The following SLF2 variants were observed in gnomAD, a reference collection of about 807,000 sequenced individuals.
SLF2 encodes the protein SMC5-SMC6 complex localization factor protein 2.
A neutral mutation model predicts 124.3 loss-of-function variants in SLF2; 68 were observed. The observed-to-expected ratio is 0.55, with a 90% CI of 0.45 to 0.67. The LOEUF is 0.67. SLF2 is among the 30% of genes least tolerant of loss of function. The probability of loss-of-function intolerance (pLI) is 0.00; values close to 1 mark genes in which losing one functional copy is unlikely to be tolerated. For missense variants in SLF2, 1,246 were observed against 1,373.7 expected (o/e 0.91, Z 1.47); for synonymous variants, 480 against 478.8 (o/e 1.00, Z -0.03).
chr10:100,942,631 G>A (rs915301566), intron 11 of SLF2, among the ~76,000 whole-genome samples: 14 of 152,112 alleles, frequency 9.2e-5, no homozygotes, highest in African/African-American at 2.7e-4. Context: ...TGATTCTCCT[G>A]CCTCAGCCTC....
intron 17 of SLF2, among the ~76,000 whole-genome samples, chr10:100,956,179 C>T (rs1850326260): frequency 6.6e-6 from 1 of 151,704 alleles, no homozygotes; most frequent in South Asian, 2.1e-4. Flanking sequence ...ACTATATTAC[C>T]CAGTTAGAGC....
At chr10:100,960,898 G>A (rs1250226971) in intron 19 of SLF2, among the ~76,000 whole-genome samples, 3 of 149,196 alleles carry the variant, frequency 2.0e-5, no homozygotes, top group African/African-American at 4.9e-5. Flanking sequence ...CTAAAATGAC[G>A]CTTCTCAAAT....
chr10:100,948,779 G>A (rs760426583), intron 15 of SLF2, among the ~76,000 whole-genome samples: 15 of 152,136 alleles, frequency 9.9e-5, no homozygotes, highest in Admixed American at 3.9e-4. Flanking sequence ...CCAGCTACTC[G>A]GGAGGCTGAG....
chr10:100,944,521 A>C (rs1262945937), intron 12 of SLF2, among the ~76,000 whole-genome samples: 1 of 148,070 alleles, frequency 6.8e-6, no homozygotes, highest in Non-Finnish European at 1.5e-5. Context: ...AAAACTCTCT[A>C]GTTTCTTACC....
intron 4 of SLF2, among the ~76,000 whole-genome samples, chr10:100,921,500 C>T (rs895049578): frequency 6.6e-6 from 1 of 152,112 alleles, no homozygotes; most frequent in South Asian, 2.1e-4. Flanking sequence ...ACAAAGGATA[C>T]AAAAAGAATT....
intron 1 of SLF2, 194 bp downstream of exon 1, chr10:100,913,444 G>A: frequency 1.4e-5 from 18 of 1,324,560 alleles, no homozygotes; most frequent in Non-Finnish European, 1.6e-5. Flanking sequence ...CTGTAGTTGG[G>A]CAGCTGCTCT....
intron 4 of SLF2, among the ~76,000 whole-genome samples, chr10:100,920,676 G>A (rs972975435): frequency 3.9e-5 from 6 of 152,192 alleles, no homozygotes; most frequent in Admixed American, 1.3e-4. Flanking sequence ...TAAGCCAGGC[G>A]CAGTGGTTCA....
intron 17 of SLF2, among the ~76,000 whole-genome samples, chr10:100,954,281 T>C (rs1487586791): frequency 6.6e-6 from 1 of 152,012 alleles, no homozygotes; most frequent in Admixed American, 6.6e-5. Context: ...AAAAATCAAA[T>C]ATTTGTACTT....
Position 100,961,941 on chromosome 10 carries a change from CAAGAGAAATTCAAT to C in SLF2, c.*35_*48del, listed in dbSNP as rs1195110768. ...GAGTTGCAGCAGCAAAAATATGAACCAAGAGAAATTCAATAAGAGCCTTTCATAGAGGAGTAGAA... is the reference window on the plus strand; with the variant it reads ...GAGTTGCAGCAGCAAAAATATGAACCAAGAGCCTTTCATAGAGGAGTAGAA... On this transcript the variant is annotated 3_prime_UTR_variant, in exon 20 of 20. Transcript: ENST00000238961. The C allele has an allele frequency of 2.5e-6, 4 of 1,590,518 alleles. No homozygotes were observed. In the East Asian group the frequency reaches 9.0e-5, roughly 36 times the overall value.
At chr10:100,932,136 A>G (rs1472811918) in intron 9 of SLF2, among the ~76,000 whole-genome samples, 1 of 152,202 alleles carries the variant, frequency 6.6e-6, no homozygotes, top group Non-Finnish European at 1.5e-5. Flanking sequence ...ATGAATGACA[A>G]GTTATTCTTC....
intron 9 of SLF2, among the ~76,000 whole-genome samples, chr10:100,932,737 G>GCGCA (rs1308729574): frequency 1.2e-4 from 18 of 151,234 alleles, no homozygotes; most frequent in Non-Finnish European, 2.4e-4. Context: ...GCGCGCGCGC[G>GCGCA]CACATTTGTA....
chr10:100,938,751 C>G lies in SLF2; in HGVS notation c.2654+15C>G, dbSNP rs750420943. 5 of 1,580,884 alleles carry G rather than the reference C, an allele frequency of 3.2e-6. No homozygotes were observed. Among genetic ancestry groups the G allele is most frequent in the Non-Finnish European group, 4.3e-6 (5 of 1,167,266 alleles). On this transcript the variant is annotated intron_variant, in intron 11 of 19. Transcript: ENST00000238961. ...GACTATCTAGTGTAAGTTTTCTCAT[C>G]ATAATTAACGCCAAAAATATCATTT...
chr10:100,924,421 C>T lies in SLF2; in HGVS notation c.1420C>T (p.Pro474Ser). The T allele has an allele frequency of 6.2e-7, 1 of 1,614,154 alleles. No individual in the cohort carries two copies. Among genetic ancestry groups the T allele is most frequent in the African/African-American group, 1.3e-5 (1 of 75,036 alleles). The change falls in exon 5 of 20, where the codon CCT (proline) becomes TCT (serine). Residue 474 changes from proline (P) to serine (S), a missense_variant. Physicochemically the swap from Pro to Ser is moderately conservative, Grantham distance 74. Transcript: ENST00000238961. Reference protein sequence around the residue: ...STTKEKETKLPLLSRVPSAGS... With the variant: ...STTKEKETKLSLLSRVPSAGS... ...GACAAAGGAGAAGGAGACAAAACTA[C>T]CTTTACTTTCCCGTGTTCCAAGTGC...
Position 100,922,366 on chromosome 10 carries a change from A to G in SLF2, c.974-1609A>G, listed in dbSNP as rs909652540. ...GCATGAGCCACTAGACATGGCCAAA[A>G]GATAAGAAATTTTCTAACTAGAGAA... On this transcript the variant is annotated intron_variant, in intron 4 of 19. Coordinates refer to ENST00000238961, the MANE Select transcript of SLF2 (RefSeq NM_018121.4). 2.0e-5 allele frequency among the ~76,000 whole-genome samples: 3 copies of G among 152,126 alleles called. No homozygotes were observed. The East Asian group carries it at 5.8e-4, about 29-fold the overall frequency.
intron 9 of SLF2, among the ~76,000 whole-genome samples, chr10:100,932,720 T>TGTGCGCGC (rs763852210): frequency 6.6e-4 from 24 of 36,226 alleles, no homozygotes; most frequent in Non-Finnish European, 4.0e-4. Context: ...TGTGTGTGTG[T>TGTGCGCGC]GCGCGCGCGC....
chr10:100,944,857 T>C (rs1429116324), intron 12 of SLF2, among the ~76,000 whole-genome samples: 1 of 152,000 alleles, frequency 6.6e-6, no homozygotes, highest in Non-Finnish European at 1.5e-5. Flanking sequence ...AAACCCCATC[T>C]CTACTAAAAA....
chr10:100,960,133 A>G (rs1850402283), intron 19 of SLF2, among the ~76,000 whole-genome samples: 1 of 152,224 alleles, frequency 6.6e-6, no homozygotes, highest in Admixed American at 6.5e-5. Context: ...CTATTGCCAA[A>G]TAATTTTCCA....
intron 18 of SLF2, among the ~76,000 whole-genome samples, chr10:100,958,362 G>A (rs543911018): frequency 1.3e-4 from 20 of 152,310 alleles, no homozygotes; most frequent in Admixed American, 9.8e-4. Flanking sequence ...TCAAATACAT[G>A]TAGGGGATAG....
At chr10:100,935,769 C>T (rs1849836592) in intron 9 of SLF2, among the ~76,000 whole-genome samples, 1 of 150,100 alleles carries the variant, frequency 6.7e-6, no homozygotes, top group Non-Finnish European at 1.5e-5. Context: ...CCTGTATGTA[C>T]AAAGACTAAC....
Sources: allele counts gnomAD v4.1 joint callset (sites outside exome capture counted in the v4.1 genomes callset), GRCh38; gene constraint gnomAD v4.1.1; transcripts MANE v1.5; gene names NCBI Gene and HGNC (gene_info 2026-07-23, HGNC 2026-07-21).